SLC4A4: variants seen among roughly 807,000 people sequenced by gnomAD.
SLC4A4 encodes electrogenic sodium bicarbonate cotransporter 1.
In SLC4A4, 27 loss-of-function variants were observed where a neutral mutation model predicts 111.5. The ratio of observed to expected loss-of-function variants is 0.24; its 90% CI spans 0.18 to 0.33. The LOEUF (loss-of-function observed/expected upper bound fraction) is 0.33. Ranked by LOEUF, SLC4A4 falls within the 10% of genes least tolerant of loss-of-function variation. SLC4A4 has a pLI of 1.00. For synonymous variants in SLC4A4, 443 were observed against 463.4 expected (o/e 0.96, Z 0.57); for missense variants, 909 against 1,315.5 (o/e 0.69, Z 4.78).
intron 2 of SLC4A4, among the ~76,000 whole-genome samples, chr4:71,114,030 G>A (rs1458667763): frequency 4.6e-5 from 7 of 152,122 alleles, no homozygotes; most frequent in African/African-American, 1.2e-4. Flanking sequence ...GGCGGATCAC[G>A]AGGTCAGGAG....
intron 1 of SLC4A4, among the ~76,000 whole-genome samples, chr4:71,085,823 A>T (rs183193725): frequency 6.6e-6 from 1 of 151,470 alleles, no homozygotes; most frequent in East Asian, 1.9e-4. Context: ...AGTATAGTTC[A>T]AAGTCAGGTA....
At chr4:71,395,100 T>A (rs972617789) in intron 6 of SLC4A4, among the ~76,000 whole-genome samples, 5 of 152,114 alleles carry the variant, frequency 3.3e-5, no homozygotes, top group Admixed American at 3.3e-4. Context: ...ATTGCTCTGG[T>A]GTGAGTGTCA....
chr4:71,169,549 C>T (rs1295359404), intron 2 of SLC4A4, among the ~76,000 whole-genome samples: 1 of 152,040 alleles, frequency 6.6e-6, no homozygotes, highest in Non-Finnish European at 1.5e-5. Context: ...AATTGGATTA[C>T]TTGAGTTTTT....
At chr4:71,418,802 G>A (rs971965032) in intron 7 of SLC4A4, among the ~76,000 whole-genome samples, 2 of 152,138 alleles carry the variant, frequency 1.3e-5, no homozygotes, top group African/African-American at 4.8e-5. Flanking sequence ...TTTTTCCTAT[G>A]TAGTCTTAGA....
At chr4:71,236,486 G>A (rs1395697791) in intron 1 of SLC4A4, 90 bp from the exon 2 acceptor site, 7 of 1,165,102 alleles carry the variant, frequency 6.0e-6, no homozygotes, top group Admixed American at 5.7e-5. Flanking sequence ...ACAACAGCTT[G>A]CAGGTTAACC....
intron 18 of SLC4A4, among the ~76,000 whole-genome samples, chr4:71,540,169 G>A (rs1049509919): frequency 6.6e-6 from 1 of 152,124 alleles, no homozygotes; most frequent in African/African-American, 2.4e-5. Context: ...ATGGCTCTTA[G>A]TGTCCCCATA....
chr4:71,081,113 ACAT>A (rs1314242883), intron 1 of SLC4A4, among the ~76,000 whole-genome samples: 1 of 152,064 alleles, frequency 6.6e-6, no homozygotes, highest in Non-Finnish European at 1.5e-5. Context: ...TGTTTCATAA[ACAT>A]GCCATTTTTT....
At chr4:71,340,463 CA>C (rs1728816602) in intron 4 of SLC4A4, among the ~76,000 whole-genome samples, 1 of 152,004 alleles carries the variant, frequency 6.6e-6, no homozygotes, top group South Asian at 2.1e-4. Context: ...GCCTAATTTA[CA>C]AATTAAACTT....
intron 2 of SLC4A4, among the ~76,000 whole-genome samples, chr4:71,106,189 C>T (rs902082794): frequency 6.6e-6 from 1 of 151,394 alleles, no homozygotes; most frequent in African/African-American, 2.4e-5. Flanking sequence ...CCATCACTGG[C>T]CATCAGAGAA....
rs746159136 is a variant in SLC4A4, at chr4:71,440,728, A to T, written c.920A>T (p.Gln307Leu). 2 of 1,614,128 alleles carry T rather than the reference A, an allele frequency of 1.2e-6. No individual in the cohort carries two copies. The highest frequency in any genetic ancestry group is 1.7e-6 in the Non-Finnish European group (2 of 1,179,988). The change falls in exon 8 of 26, where the codon CAG becomes CTG. Residue 307 changes from glutamine (Q) to leucine (L), a missense_variant. By Grantham distance (113) the Gln-to-Leu change is moderately radical. Around this residue, in one of 7 missense-constraint regions of SLC4A4, gnomAD observed 312 missense variants for 402.0 expected, o/e 0.78. Coordinates refer to ENST00000264485, the MANE Select transcript of SLC4A4 (RefSeq NM_001098484.3). ...TTCATTGCCTTTGTTAGGCTACAGCAGGCTGTCATGCTGGGTGCCCTGACT... is the reference window on the plus strand; with the variant it reads ...TTCATTGCCTTTGTTAGGCTACAGCTGGCTGTCATGCTGGGTGCCCTGACT... Reference protein sequence around the residue: ...TPFIAFVRLQQAVMLGALTEV... With the variant: ...TPFIAFVRLQLAVMLGALTEV...
intron 16 of SLC4A4, among the ~76,000 whole-genome samples, chr4:71,526,790 G>C (rs897862208): frequency 6.6e-6 from 1 of 151,976 alleles, no homozygotes; most frequent in South Asian, 2.1e-4. Context: ...CCTTCTCGAG[G>C]CTCTAGGGGA....
chr4:71,457,954 C>A (rs139087125), intron 12 of SLC4A4, among the ~76,000 whole-genome samples: 1 of 152,012 alleles, frequency 6.6e-6, no homozygotes, highest in Non-Finnish European at 1.5e-5. Context: ...CTATGAAATA[C>A]GTTATACTAT....
intron 7 of SLC4A4, among the ~76,000 whole-genome samples, chr4:71,409,585 A>G (rs978124781): frequency 6.6e-6 from 1 of 152,230 alleles, no homozygotes; most frequent in Admixed American, 6.5e-5. Context: ...TGTTAAAAGC[A>G]TTCTGTTTTA....
intron 6 of SLC4A4, among the ~76,000 whole-genome samples, chr4:71,373,801 G>T (rs928091746): frequency 6.6e-6 from 1 of 152,132 alleles, no homozygotes; most frequent in Non-Finnish European, 1.5e-5. Flanking sequence ...AAGTGGAAAG[G>T]AGGGGATAAT....
chr4:71,319,763 A>G (rs1471493998), intron 3 of SLC4A4, among the ~76,000 whole-genome samples: 1 of 151,820 alleles, frequency 6.6e-6, no homozygotes, highest in Non-Finnish European at 1.5e-5. Context: ...TATTCTCTTC[A>G]CTCTTCCTGT....
rs535603562 is a variant in SLC4A4 at position 71,192,470 on chromosome 4, C to T, written c.-2+5069C>T. ...AAACAGTAAACTACAAAGTAGAAGACGAAAATGGGCTTTATTGGCAAATAC... is the reference window on the plus strand; with the variant it reads ...AAACAGTAAACTACAAAGTAGAAGATGAAAATGGGCTTTATTGGCAAATAC... On this transcript the variant is annotated intron_variant, in intron 1 of 25. Coordinates refer to ENST00000264485, the MANE Select transcript of SLC4A4 (RefSeq NM_001098484.3). Among the ~76,000 whole-genome samples the T allele has an allele frequency of 3.2e-4, 49 of 151,986 alleles. 1 individual carries two copies. Among genetic ancestry groups the T allele is most frequent in the Admixed American group, 3.0e-3 (46 of 15,286 alleles).
At chr4:71,190,857 T>C (rs1745699591) in intron 1 of SLC4A4, among the ~76,000 whole-genome samples, 1 of 151,996 alleles carries the variant, frequency 6.6e-6, no homozygotes, top group African/African-American at 2.4e-5. Context: ...ATAATTTTAT[T>C]CCTTAATGAT....
intron 1 of SLC4A4, among the ~76,000 whole-genome samples, chr4:71,214,049 C>G (rs1052063322): frequency 6.6e-6 from 1 of 152,160 alleles, no homozygotes; most frequent in Non-Finnish European, 1.5e-5. Context: ...GTTCAGTTGG[C>G]CACTTAGCAT....
At chr4:71,555,890 G>A (rs1736431946) in intron 21 of SLC4A4, among the ~76,000 whole-genome samples, 1 of 151,826 alleles carries the variant, frequency 6.6e-6, no homozygotes, top group Admixed American at 6.6e-5. Context: ...CAAATCATTA[G>A]GGAGAACTTT....
Sources: gnomAD v4.1 joint callset for allele counts (sites outside exome capture counted in the v4.1 genomes callset) on GRCh38, gnomAD v4.1.1 for gene constraint, gnomAD v4.1.1 regional missense constraint, MANE v1.5 for transcripts, NCBI Gene and HGNC (gene_info 2026-07-23, HGNC 2026-07-21) for gene names.